ABR: variants seen among roughly 807,000 people sequenced by gnomAD.
ABR encodes ABR activator of RhoGEF and GTPase, also known as active breakpoint cluster region-related protein.
Under a neutral mutation model 107.2 loss-of-function variants are expected in ABR, and 35 were observed. That is an observed-to-expected ratio of 0.33 (90% CI 0.25 to 0.43). The LOEUF (loss-of-function observed/expected upper bound fraction) is 0.43, where lower values mean the gene tolerates loss of function less well. Ranked by LOEUF, ABR falls within the 20% of genes least tolerant of loss-of-function variation. ABR has a pLI of 1.00. For missense variants in ABR, 815 were observed against 1,115.2 expected, an observed-to-expected ratio of 0.73 and a Z score of 3.83; for synonymous variants, 498 against 462.0, an observed-to-expected ratio of 1.08 and a Z score of -1.00.
chr17:1,073,764 G>A (rs926195354), intron 6 of ABR, 87 bp from the exon 7 acceptor site: 38 of 1,242,432 alleles, frequency 3.1e-5, no homozygotes, highest in Middle Eastern at 5.1e-4. Context: ...CCCCCCACCC[G>A]CATGCTTCCC....
chr17:1,104,992 C>A (rs2038148767), intron 2 of ABR, among the ~76,000 whole-genome samples: 1 of 147,644 alleles, frequency 6.8e-6, no homozygotes, highest in Non-Finnish European at 1.5e-5. Flanking sequence ...CAATATTGTT[C>A]TTTACAGTAA....
intron 4 of ABR, among the ~76,000 whole-genome samples, chr17:1,090,092 T>C (rs992275972): frequency 6.6e-6 from 1 of 152,006 alleles, no homozygotes; most frequent in Non-Finnish European, 1.5e-5. Context: ...TTGGAGGAGG[T>C]CCCTTCTAAG....
At chr17:1,182,679 A>G (rs2042173953), upstream of ABR, among the ~76,000 whole-genome samples, 1 of 152,144 alleles carries the variant, frequency 6.6e-6, no homozygotes, top group African/African-American at 2.4e-5. Flanking sequence ...TCATGCTCTT[A>G]AACACCACGC....
In ABR at chr17:1,078,178, G is replaced by A. The variant is rs1286807945; in HGVS notation, c.700+1152C>T. Among the ~76,000 whole-genome samples, 1 of 151,544 alleles carries A rather than the reference G, an allele frequency of 6.6e-6. No individual in the cohort carries two copies. Among genetic ancestry groups the A allele is most frequent in the Non-Finnish European group, 1.5e-5 (1 of 67,920 alleles). ...ACACCCCTCTCCCGCTGGCCCTGCC[G>A]ACCTGCCTTCCACAGTTGAGGGCCC... On this transcript the variant is annotated intron_variant, in intron 6 of 22. Coordinates refer to ENST00000302538, the MANE Select transcript of ABR (RefSeq NM_021962.5). This position sits in a 1 kb window ranked among gnomAD's most constrained non-coding sequence, Gnocchi z 7.5.
chr17:1,009,747 C>G lies in ABR; in HGVS notation c.2274G>C (p.Met758Ile). ...GGTCGGGCAGGGAGCGGAGCAGGTG[C>G]ATCATGCAGTTTTCCTTGGCAGCAG... Reference protein sequence around the residue: ...SDPAAKENCMMHLLRSLPDPN... With the variant: ...SDPAAKENCMIHLLRSLPDPN... Residue 758 changes from methionine to isoleucine, a missense_variant, in exon 21 of 23, where the codon ATG becomes ATC. By Grantham distance (10) the Met-to-Ile change is conservative. Transcript: ENST00000302538. The G allele has an allele frequency of 6.2e-7, 1 of 1,614,126 alleles. No individual in the cohort carries two copies. The highest frequency in any genetic ancestry group is 8.5e-7 in the Non-Finnish European group (1 of 1,180,020).
chr17:1,137,668 C>G (rs1455813241), intron 1 of ABR, among the ~76,000 whole-genome samples: 1 of 152,170 alleles, frequency 6.6e-6, no homozygotes, highest in East Asian at 1.9e-4. Flanking sequence ...ACACGTAACA[C>G]AGAGAGAATG....
intron 2 of ABR, among the ~76,000 whole-genome samples, chr17:1,104,448 T>C (rs1397851098): frequency 6.6e-6 from 1 of 152,134 alleles, no homozygotes; most frequent in African/African-American, 2.4e-5. Flanking sequence ...CAGGGCTGGC[T>C]CTCTGGCTGC....
intron 1 of ABR, among the ~76,000 whole-genome samples, chr17:1,143,895 A>G (rs1052899176): frequency 1.3e-5 from 2 of 152,102 alleles, no homozygotes; most frequent in African/African-American, 2.4e-5. Context: ...TGGATGGGAC[A>G]TGCTGAGTAT....
chr17:1,101,759 A>T (rs567504284), intron 2 of ABR, among the ~76,000 whole-genome samples: 3 of 146,850 alleles, frequency 2.0e-5, no homozygotes, highest in Non-Finnish European at 4.5e-5. Flanking sequence ...TTAGAGACGG[A>T]GTCTCGCTCT....
chr17:1,067,161 G>C lies in ABR; in HGVS notation c.1098C>G (p.Ser366Arg). Residue 366 changes from serine (S) to arginine (R), a missense_variant, in exon 10 of 23, where the codon AGC (serine) becomes AGG (arginine). Physicochemically the swap from Ser to Arg is moderately radical, Grantham distance 110. Transcript: ENST00000302538. ...GGTCTGGGAAGGGGTGCACCTGGGG[G>C]CTGGCCTCAGACTCCTCGGGGGATG... ...VFPSPEESEA[S>R]PQVHPFPDHE... 2 of 1,613,728 alleles carry C rather than the reference G, an allele frequency of 1.2e-6. No individual in the cohort carries two copies. The highest frequency in any genetic ancestry group is 1.7e-6 in the Non-Finnish European group (2 of 1,179,862).
At position 1,031,532 on chromosome 17, in the gene ABR, CAGCCCCCCG is replaced by C. The variant is rs1314829605; in HGVS notation, c.1792-18377_1792-18369del. ...ACCCCATCAGCCCCCGCAGCCCCCG[CAGCCCCCCG>C]AGCCCCGCAGCGCCCCCGAGCCCCC... is the stretch of plus-strand genomic sequence containing the variant. On this transcript the variant is annotated intron_variant, in intron 16 of 22. Transcript: ENST00000302538. The C allele has an allele frequency of 3.2e-3, 1,011 of 311,832 alleles. 9 individuals are homozygous for C. The highest frequency in any genetic ancestry group is 4.9e-3 in the Admixed American group (74 of 15,202). 19.3% of individuals were successfully genotyped at this position (311,832 alleles called of 1,614,324 possible). A position where few individuals can be genotyped will look rare whatever the true frequency, so the allele number is the denominator to read the frequency against.
At chr17:1,094,370 ATTTTTTT>A in intron 3 of ABR, among the ~76,000 whole-genome samples, 1 of 139,928 alleles carries the variant, frequency 7.1e-6, no homozygotes, top group African/African-American at 2.6e-5. Context: ...CCAGACTGCA[ATTTTTTT>A]TTTTTTTTTT....
At chr17:1,216,719 G>A (rs924287032) in intron 1 of ABR, among the ~76,000 whole-genome samples, 3 of 152,202 alleles carry the variant, frequency 2.0e-5, no homozygotes, top group Non-Finnish European at 2.9e-5. Flanking sequence ...TAAGGACTGC[G>A]CTGTCCTCTG....
chr17:1,016,605 C>T lies in ABR; in HGVS notation c.1792-3441G>A, dbSNP rs539603559. ...TGCTGGGATTACAGGTGTGACCCAC[C>T]ATGCCTGGCCCCTACCCCAACATTT... On this transcript the variant is annotated intron_variant, in intron 16 of 22. Transcript: ENST00000302538. Among the ~76,000 whole-genome samples, 67 of 152,124 alleles carry T rather than the reference C, an allele frequency of 4.4e-4. 1 individual carries two copies. The highest frequency in any genetic ancestry group is 1.6e-3 in the African/African-American group (67 of 41,394).
intron 6 of ABR, among the ~76,000 whole-genome samples, chr17:1,074,247 G>A (rs376398520): frequency 5.4e-5 from 8 of 147,948 alleles, no homozygotes; most frequent in East Asian, 2.0e-4. Flanking sequence ...GCCACGCCCC[G>A]TAGAGTCCAG....
rs1453385961 is a variant in ABR at position 1,050,511 on chromosome 17, C to A, written c.1659+26G>T. 1 of 1,605,332 alleles carries A rather than the reference C, an allele frequency of 6.2e-7. No homozygotes were observed. The highest frequency in any genetic ancestry group is 8.5e-7 in the Non-Finnish European group (1 of 1,172,438). ...CGAGCACGGGGTGGTGGGGTCCCCA[C>A]AGAGATGCCAGCCCCTGCCACTCAC... On this transcript the variant is annotated intron_variant, in intron 15 of 22. Transcript: ENST00000302538. This position sits in a 1 kb window ranked among gnomAD's most constrained non-coding sequence, Gnocchi z 4.6.
Position 1,100,688 on chromosome 17 carries a change from C to T in ABR, c.294G>A (p.Gly98=). 6.2e-7 allele frequency: 1 copy of T among 1,613,760 alleles called. No homozygotes were observed. The highest frequency in any genetic ancestry group is 8.5e-7 in the Non-Finnish European group (1 of 1,179,910). The part of the protein sequence containing the change: ...GLEMRKLVLS[G]FLASEEIYIN... Reference sequence around the variant, plus strand: ...TGTAGATCTCTTCGCTGGCCAAGAACCCCGAGAGAACCAGCTTCCTCATCT... The same window carrying T: ...TGTAGATCTCTTCGCTGGCCAAGAATCCCGAGAGAACCAGCTTCCTCATCT... The change falls in exon 3 of 23, where the codon GGG becomes GGA. Residue 98 remains glycine, a synonymous_variant. Transcript: ENST00000302538.
chr17:1,046,919 G>A (rs945466631), intron 16 of ABR, among the ~76,000 whole-genome samples: 2 of 152,230 alleles, frequency 1.3e-5, no homozygotes, highest in Non-Finnish European at 2.9e-5. Flanking sequence ...AGGAGCACAA[G>A]TGCTGGACAC....
At chr17:1,101,947 A>G (rs559725951) in intron 2 of ABR, among the ~76,000 whole-genome samples, 1 of 151,872 alleles carries the variant, frequency 6.6e-6, no homozygotes, top group Non-Finnish European at 1.5e-5. Flanking sequence ...GTTAGCCAGG[A>G]TGGTCTCGAT....
Sources: allele counts gnomAD v4.1 joint callset (sites outside exome capture counted in the v4.1 genomes callset), GRCh38; gene constraint gnomAD v4.1.1; non-coding constraint Gnocchi (gnomAD v3.1); transcripts MANE v1.5; gene names NCBI Gene and HGNC (gene_info 2026-07-23, HGNC 2026-07-21).